ARSL: variants seen among roughly 807,000 people sequenced by gnomAD.
ARSL encodes the protein arylsulfatase L.
ARSL carries 4 observed loss-of-function variants against 31.1 expected under a neutral mutation model. The ratio of observed to expected loss-of-function variants is 0.13; its 90% CI spans 0.06 to 0.29. The LOEUF is 0.29. Ranked by LOEUF, ARSL falls within the 10% of genes least tolerant of loss-of-function variation. The pLI is 1.00. For synonymous variants in ARSL, 198 were observed against 209.9 expected (o/e 0.94, Z 0.49); for missense variants, 312 against 497.8 (o/e 0.63, Z 3.55).
At position 2,946,750 on chromosome X, in the gene ARSL, A is replaced by G. The variant is rs112718614; in HGVS notation, c.855-616T>C. Among the ~76,000 whole-genome samples, 938 of 102,716 alleles carry G rather than the reference A, an allele frequency of 9.1e-3. 13 individuals are homozygous for G. The highest frequency in any genetic ancestry group is 0.032 in the African/African-American group (891 of 28,009). 89.2% of individuals were successfully genotyped at this position (102,716 alleles called of 115,157 possible). A position where few individuals can be genotyped will look rare whatever the true frequency, so the allele number is the denominator to read the frequency against. ...AGTGGCACGATCTCAGCTCACTGCA[A>G]CCTCTGCCTCCCAGGTTCAAGCAAT... On this transcript the variant is annotated intron_variant, in intron 6 of 10. Transcript: ENST00000381134.
At chrX:2,955,919 C>T (rs1408050282) in intron 3 of ARSL, among the ~76,000 whole-genome samples, 1 of 112,171 alleles carries the variant, frequency 8.9e-6, no homozygotes. Context: ...GTCTGTAGAA[C>T]CAGCTACTTG....
chrX:2,940,239 A>G (rs1057293870), intron 8 of ARSL, among the ~76,000 whole-genome samples: 5 of 111,611 alleles, frequency 4.5e-5, no homozygotes, highest in African/African-American at 1.6e-4. Flanking sequence ...ATATTCAGCC[A>G]TGGAAAGGAA....
At chrX:2,953,063 A>T in intron 5 of ARSL, 80 bp downstream of exon 5, 1 of 1,123,673 alleles carries the variant, frequency 8.9e-7, no homozygotes, top group Non-Finnish European at 1.2e-6. Context: ...CACCTCACCC[A>T]CTTTCCTTTC....
intron 7 of ARSL, among the ~76,000 whole-genome samples, chrX:2,944,448 G>A (rs1188745989): frequency 7.9e-5 from 7 of 88,461 alleles, no homozygotes; most frequent in African/African-American, 2.1e-4. Flanking sequence ...AGTGAGACTC[G>A]GTCTCAAAAA....
At chrX:2,937,925 G>T (rs771481894) in intron 9 of ARSL, among the ~76,000 whole-genome samples, 170 bp downstream of exon 9, 77 of 111,951 alleles carry the variant, frequency 6.9e-4, no homozygotes, top group African/African-American at 2.4e-3. Context: ...TTCTTTCCTC[G>T]TTCATTTGCA....
At position 2,964,283 on chromosome X, in the gene ARSL, G is replaced by C. The variant is rs2089678017; in HGVS notation, c.-80C>G. 5 of 752,182 alleles carry C rather than the reference G, an allele frequency of 6.6e-6. No individual in the cohort carries two copies. The highest frequency in any genetic ancestry group is 7.8e-6 in the Non-Finnish European group (5 of 639,103). 62.0% of individuals were successfully genotyped at this position (752,182 alleles called of 1,213,427 possible). A position where few individuals can be genotyped will look rare whatever the true frequency, so the allele number is the denominator to read the frequency against. On this transcript the variant is annotated 5_prime_UTR_variant, in exon 1 of 11. Coordinates refer to ENST00000381134, the MANE Select transcript of ARSL (RefSeq NM_000047.3). The stretch of plus-strand genomic sequence containing the variant: ...AAGAAGAGGAAGGTTCTCTCCCAAA[G>C]GAAGCAAGCGTGAAGGCAGAGAGCA...
intron 4 of ARSL, among the ~76,000 whole-genome samples, chrX:2,954,718 C>T (rs1271308869): frequency 8.9e-6 from 1 of 111,925 alleles, no homozygotes; most frequent in Non-Finnish European, 1.9e-5. Context: ...TTATTACTCA[C>T]AGTTTCTGAT....
At chrX:2,945,807 G>T (rs1355527635) in intron 7 of ARSL, among the ~76,000 whole-genome samples, 191 bp downstream of exon 7, 1 of 112,337 alleles carries the variant, frequency 8.9e-6, no homozygotes, top group Non-Finnish European at 1.9e-5. Flanking sequence ...TGCCTCCCGT[G>T]CATGTGTTAT....
rs766124346 is a variant in ARSL, at chrX:2,960,361, A to C, written c.23+17T>G. 9.2e-7 allele frequency: 1 copy of C among 1,090,762 alleles called. No homozygotes were observed. The highest frequency in any genetic ancestry group is 1.3e-6 in the Non-Finnish European group (1 of 789,417). The allele number at this position is 1,090,762 out of a possible 1,213,427, so 89.9% of individuals were successfully genotyped here. On this transcript the variant is annotated intron_variant, in intron 2 of 10. Transcript: ENST00000381134. Reference sequence around the variant, plus strand: ...AAGAAAGGAGACTACTAATGAGTGCATATAATTGTATCTTACCAAGAATGG... The same window carrying C: ...AAGAAAGGAGACTACTAATGAGTGCCTATAATTGTATCTTACCAAGAATGG...
chrX:2,949,952 G>A (rs951350903), intron 5 of ARSL, among the ~76,000 whole-genome samples: 1 of 111,890 alleles, frequency 8.9e-6, no homozygotes, highest in Non-Finnish European at 1.9e-5. Flanking sequence ...TTAGTTACCC[G>A]TGACAGGTGG....
At chrX:2,939,162 C>CT (rs1284059420) in intron 8 of ARSL, among the ~76,000 whole-genome samples, 4 of 110,389 alleles carry the variant, frequency 3.6e-5, no homozygotes, top group African/African-American at 1.3e-4. Flanking sequence ...AGGATGGACT[C>CT]TAAGTCCAAT....
At position 2,963,129 on chromosome X, in the gene ARSL, T is replaced by C. The variant is rs926206440; in HGVS notation, c.-21+1095A>G. ...GAACACAGAAGGAAGGGATAAGGTGTACGCCGTGCTCGTGAGGTTTTTTTG... is the reference window on the plus strand; with the variant it reads ...GAACACAGAAGGAAGGGATAAGGTGCACGCCGTGCTCGTGAGGTTTTTTTG... On this transcript the variant is annotated intron_variant, in intron 1 of 10. Transcript: ENST00000381134. Among the ~76,000 whole-genome samples, 3 of 112,414 alleles carry C rather than the reference T, an allele frequency of 2.7e-5. No homozygotes were observed. The Admixed American group carries it at 2.8e-4, about 11-fold the overall frequency.
chrX:2,961,344 G>C (rs924879583), intron 1 of ARSL, among the ~76,000 whole-genome samples: 1 of 111,122 alleles, frequency 9.0e-6, no homozygotes, highest in East Asian at 2.8e-4. Context: ...TACTGCAGTG[G>C]TCTGACCCCA....
At chrX:2,951,849 C>T (rs1336780254) in intron 5 of ARSL, among the ~76,000 whole-genome samples, 1 of 95,691 alleles carries the variant, frequency 1.0e-5, no homozygotes, top group African/African-American at 3.8e-5. Context: ...TGTTTGACAG[C>T]GATGACTGAA....
intron 6 of ARSL, among the ~76,000 whole-genome samples, chrX:2,948,120 CA>C (rs368016692): frequency 2.4e-4 from 23 of 97,803 alleles, no homozygotes; most frequent in South Asian, 1.8e-3. Context: ...GACTCTGTCT[CA>C]AAAAAAAAAA....
At chrX:2,966,486 G>A (rs1334880503), upstream of ARSL, among the ~76,000 whole-genome samples, 3 of 107,122 alleles carry the variant, frequency 2.8e-5, no homozygotes, top group Admixed American at 1.0e-4. Context: ...CATAAAATAT[G>A]TAAATAAGGC....
chrX:2,961,244 A>T (rs2089629215), intron 1 of ARSL, among the ~76,000 whole-genome samples: 1 of 111,297 alleles, frequency 9.0e-6, no homozygotes, highest in African/African-American at 3.3e-5. Flanking sequence ...CTCGCCGAGA[A>T]GTGAGGGAGA....
At chrX:2,943,655 T>G (rs1401213672) in intron 7 of ARSL, among the ~76,000 whole-genome samples, 2 of 94,481 alleles carry the variant, frequency 2.1e-5, no homozygotes, top group Non-Finnish European at 4.0e-5. Flanking sequence ...GGCAGGAGAA[T>G]AGCTTAAACC....
At chrX:2,961,715 G>C (rs2089637171) in intron 1 of ARSL, among the ~76,000 whole-genome samples, 1 of 111,132 alleles carries the variant, frequency 9.0e-6, no homozygotes, top group Non-Finnish European at 1.9e-5. Context: ...GATTGACTAA[G>C]ACTCTAGCAC....
Sources: gnomAD v4.1 joint callset for allele counts (sites outside exome capture counted in the v4.1 genomes callset) on GRCh38, gnomAD v4.1.1 for gene constraint, MANE v1.5 for transcripts, NCBI Gene and HGNC (gene_info 2026-07-23, HGNC 2026-07-21) for gene names.